Variants in TTLL9 observed in about 807,000 individuals in gnomAD.
The protein encoded by TTLL9 is tubulin tyrosine ligase like 9, also known as probable tubulin polyglutamylase TTLL9.
TTLL9 carries 47 observed loss-of-function variants against 65.6 expected under a neutral mutation model. The observed-to-expected ratio is 0.72, with a 90% CI of 0.57 to 0.91. TTLL9 has a LOEUF of 0.91. Among genes scored for constraint, TTLL9 ranks in the 40% least tolerant of loss-of-function variants. The probability of loss-of-function intolerance (pLI) is 0.00; values close to 1 mark genes in which losing one functional copy is unlikely to be tolerated. For missense variants in TTLL9, 537 were observed against 568.8 expected (o/e 0.94, Z 0.57); for synonymous variants, 179 against 204.8 (o/e 0.87, Z 1.07).
intron 3 of TTLL9, among the ~76,000 whole-genome samples, chr20:31,890,416 G>A (rs537651855): frequency 5.3e-5 from 8 of 151,962 alleles, no homozygotes; most frequent in African/African-American, 1.9e-4. Flanking sequence ...TATCCACATT[G>A]GCACCTGTAG....
chr20:31,926,181 TCAC>T, intron 10 of TTLL9, 90 bp downstream of exon 10: 15 of 839,198 alleles, frequency 1.8e-5, no homozygotes, highest in Non-Finnish European at 2.7e-5. Flanking sequence ...TCAGAGCAGC[TCAC>T]TGCAAGCTGC....
intron 2 of TTLL9, among the ~76,000 whole-genome samples, chr20:31,875,187 T>A (rs763664128): frequency 3.9e-5 from 6 of 152,098 alleles, no homozygotes; most frequent in Non-Finnish European, 5.9e-5. Context: ...AGCAAGTTTT[T>A]AAATTTCTCT....
At chr20:31,939,363 G>A in intron 14 of TTLL9, 97 bp downstream of exon 14, 2 of 1,395,776 alleles carry the variant, frequency 1.4e-6, no homozygotes, top group Non-Finnish European at 1.9e-6. Context: ...TAGATTGTTT[G>A]AATTCAATCT....
chr20:31,938,500 G>T (rs1458609368), intron 13 of TTLL9, among the ~76,000 whole-genome samples: 1 of 152,138 alleles, frequency 6.6e-6, no homozygotes, highest in South Asian at 2.1e-4. Flanking sequence ...CATACCCTGC[G>T]GACACAGTAA....
At position 31,898,503 on chromosome 20, in the gene TTLL9, C is replaced by T. The variant is rs1356547629; in HGVS notation, c.144C>T (p.Thr48=). ...AGAGAGCATCGATCCGGTTCAAGAC[C>T]ACCCTCATGAACACACTCATGGACG... The part of the protein sequence containing the change: ...REQRASIRFK[T]TLMNTLMDVL... Residue 48 remains threonine, a synonymous_variant, in exon 4 of 15, where the codon ACC becomes ACT. Transcript: ENST00000535842. The T allele has an allele frequency of 1.9e-6, 3 of 1,614,062 alleles. No homozygotes were observed. The highest frequency in any genetic ancestry group is 1.3e-5 in the African/African-American group (1 of 74,918).
intron 10 of TTLL9, 68 bp downstream of exon 10, chr20:31,926,159 G>T: frequency 1.7e-5 from 18 of 1,070,620 alleles, no homozygotes; most frequent in Non-Finnish European, 2.6e-5. Flanking sequence ...CCATGGGAGA[G>T]GCCAACTCTG....
chr20:31,908,777 C>A (rs2063598842), intron 5 of TTLL9, 75 bp downstream of exon 5: 3 of 1,190,310 alleles, frequency 2.5e-6, no homozygotes, highest in African/African-American at 3.0e-5. Flanking sequence ...GGAGCTGGTA[C>A]AAGGATCAGA....
intron 3 of TTLL9, among the ~76,000 whole-genome samples, chr20:31,895,871 G>A (rs972077488): frequency 2.7e-5 from 4 of 148,162 alleles, no homozygotes; most frequent in Non-Finnish European, 4.5e-5. Context: ...ACAGGGTCTC[G>A]CTCTCTTGCC....
At position 31,890,031 on chromosome 20, in the gene TTLL9, T is replaced by TTTCTTTCC. The variant is rs1325059685; in HGVS notation, c.113+2795_113+2796insTTTCCTTC. On this transcript the variant is annotated intron_variant, in intron 3 of 14. Coordinates refer to ENST00000535842, the MANE Select transcript of TTLL9 (RefSeq NM_001008409.5). The stretch of plus-strand genomic sequence containing the variant: ...CTTTCTTTCTTTCTTTCTTTCTTTC[T>TTTCTTTCC]TTCCTTCCTTCCTTCTTTCTTTCTT... Among the ~76,000 whole-genome samples, 84 of 114,580 alleles carry TTTCTTTCC rather than the reference T, an allele frequency of 7.3e-4. No homozygotes were observed. The East Asian group carries it at 7.7e-3, about 10-fold the overall frequency. The allele number at this position is 114,580 out of a possible 152,430, so 75.2% of individuals were successfully genotyped here.
intron 6 of TTLL9, among the ~76,000 whole-genome samples, chr20:31,912,110 C>T (rs1271566480): frequency 6.6e-6 from 1 of 152,084 alleles, no homozygotes; most frequent in Non-Finnish European, 1.5e-5. Context: ...AAGTTACACA[C>T]GTTCGACACA....
At chr20:31,886,205 C>T (rs901650988) in intron 2 of TTLL9, among the ~76,000 whole-genome samples, 2 of 152,208 alleles carry the variant, frequency 1.3e-5, no homozygotes, top group African/African-American at 2.4e-5. Flanking sequence ...AATGGATTCC[C>T]ATCATTTTAA....
intron 14 of TTLL9, 36 bp from the exon 15 acceptor site, chr20:31,942,909 T>G (rs760958008): frequency 1.9e-6 from 3 of 1,611,354 alleles, no homozygotes; most frequent in Non-Finnish European, 2.5e-6. Flanking sequence ...CTCCCAAGCA[T>G]AGGTCATCCC....
At chr20:31,925,815 A>T in intron 9 of TTLL9, 1 of 1,463,492 alleles carries the variant, frequency 6.8e-7, no homozygotes, top group East Asian at 2.5e-5. Flanking sequence ...AGGCGGTGTG[A>T]GAGTGCCTGT....
chr20:31,932,607 G>T (rs2064036807), intron 10 of TTLL9, among the ~76,000 whole-genome samples: 1 of 152,118 alleles, frequency 6.6e-6, no homozygotes, highest in African/African-American at 2.4e-5. Context: ...TACATTTAGG[G>T]GAATTAGACT....
At chr20:31,934,667 C>T in intron 11 of TTLL9, 25 bp from the exon 12 acceptor site, 2 of 1,592,016 alleles carry the variant, frequency 1.3e-6, no homozygotes, top group Non-Finnish European at 1.7e-6. Context: ...AGGCTCCTCT[C>T]TCGACCCGGC....
At chr20:31,873,680 GAGAGAGAA>G (rs1336002263) in intron 2 of TTLL9, among the ~76,000 whole-genome samples, 10 of 100,400 alleles carry the variant, frequency 1.0e-4, no homozygotes, top group South Asian at 9.4e-4. Context: ...AAGAAAGAGA[GAGAGAGAA>G]AGAAAGAAAG....
At position 31,943,279 on chromosome 20, in the gene TTLL9, CAGTT is replaced by C. The variant is rs775593292; in HGVS notation, c.*261_*264del. The C allele has an allele frequency of 1.8e-6, 1 of 546,778 alleles. No homozygotes were observed. Among genetic ancestry groups the C allele is most frequent in the Non-Finnish European group, 3.3e-6 (1 of 302,634 alleles). The allele number at this position is 546,778 out of a possible 1,614,324, so 33.9% of individuals were successfully genotyped here. A position where few individuals can be genotyped will look rare whatever the true frequency, so the allele number is the denominator to read the frequency against. On this transcript the variant is annotated 3_prime_UTR_variant, in exon 15 of 15. Transcript: ENST00000535842. ...GTTTAACCTTGACAAACTGACTTGG[CAGTT>C]AGGCCCAAAGAGAACAAATACAGCA...
chr20:31,906,090 C>T (rs2063554626), intron 4 of TTLL9, among the ~76,000 whole-genome samples: 1 of 142,610 alleles, frequency 7.0e-6, no homozygotes, highest in Non-Finnish European at 1.5e-5. Context: ...CCATTTACAA[C>T]ACAAGGCCCA....
Position 31,944,174 on chromosome 20 carries a change from G to A in TTLL9, c.*1153G>A, listed in dbSNP as rs2064275190. The A allele has an allele frequency of 4.9e-6, 1 of 205,834 alleles. No individual in the cohort carries two copies. The highest frequency in any genetic ancestry group is 2.3e-5 in the African/African-American group (1 of 44,304). 12.8% of individuals were successfully genotyped at this position (205,834 alleles called of 1,614,324 possible). The stretch of plus-strand genomic sequence containing the variant: ...TTCTCCCACTCATCCCTGTACCTGA[G>A]GCACACCAACCCAGACAGGTCCAGG... On this transcript the variant is annotated 3_prime_UTR_variant, in exon 15 of 15. Transcript: ENST00000535842.
Sources: allele counts gnomAD v4.1 joint callset (sites outside exome capture counted in the v4.1 genomes callset), GRCh38; gene constraint gnomAD v4.1.1; transcripts MANE v1.5; gene names NCBI Gene and HGNC (gene_info 2026-07-23, HGNC 2026-07-21).